POTEC: variants seen among roughly 807,000 people sequenced by gnomAD.
POTEC encodes ANKRD26-like family B member 2.
POTEC carries 35 observed loss-of-function variants against 62.0 expected under a neutral mutation model. The ratio of observed to expected loss-of-function variants is 0.56; its 90% confidence interval spans 0.43 to 0.75. The LOEUF (loss-of-function observed/expected upper bound fraction) is 0.75. Among genes scored for constraint, POTEC ranks in the 30% least tolerant of loss-of-function variants. The pLI is 0.00. For synonymous variants in POTEC, 156 were observed against 221.5 expected (o/e 0.70, Z 2.62); for missense variants, 472 against 655.9 (o/e 0.72, Z 3.06).
At chr18:14,518,868 T>G (rs1311046583) in intron 9 of POTEC, among the ~76,000 whole-genome samples, 2 of 151,098 alleles carry the variant, frequency 1.3e-5, no homozygotes, top group Non-Finnish European at 2.9e-5. Flanking sequence ...GGGAGATAAT[T>G]AGGAGGAACT....
At chr18:14,514,441 T>C (rs1198573274) in intron 9 of POTEC, among the ~76,000 whole-genome samples, 1 of 152,198 alleles carries the variant, frequency 6.6e-6, no homozygotes, top group East Asian at 1.9e-4. Flanking sequence ...GCCTGGGGAT[T>C]GGAAACCCCT....
Position 14,537,865 on chromosome 18 carries a change from T to C in POTEC, c.746A>G (p.Asn249Ser). ...TGCTTTGGCCATTAATTTATCTTCA[T>C]TGTGGACAGCATAGTGTAGAGTGGT... The part of the protein sequence containing the change: ...GNTTLHYAVH[N>S]EDKLMAKALL... Residue 249 changes from asparagine to serine, a missense_variant, in exon 3 of 11, where the codon AAT becomes AGT. This residue lies in a region of POTEC where 52 missense variants were observed against 54.2 expected (regional missense o/e 0.96). Transcript: ENST00000358970. 2 of 1,612,306 alleles carry C rather than the reference T, an allele frequency of 1.2e-6. No individual in the cohort carries two copies. The highest frequency in any genetic ancestry group is 1.7e-6 in the Non-Finnish European group (2 of 1,179,772).
rs765483094 is a variant in POTEC, at chr18:14,511,946, G to T, written c.1581C>A (p.Ser527Arg). The change falls in exon 11 of 11, where the codon AGC (serine) becomes AGA (arginine). Residue 527 changes from serine to arginine, a missense_variant. Ser to Arg is a moderately radical substitution (Grantham distance 110, BLOSUM62 -1). This residue lies in a region of POTEC where 67 missense variants were observed against 58.3 expected (regional missense o/e 1.15). Transcript: ENST00000358970. ...GCATGGCAATTTCTTCCTGCAACAT[G>T]CTGTTTTCACGCAAGAGATCTTCTT... ...KKEEDLLREN[S>R]MLQEEIAMLI... 2 of 1,613,792 alleles carry T rather than the reference G, an allele frequency of 1.2e-6. No homozygotes were observed. The highest frequency in any genetic ancestry group is 3.3e-5 in the Admixed American group (2 of 60,012).
At chr18:14,526,238 T>C (rs113252249) in intron 6 of POTEC, among the ~76,000 whole-genome samples, 1 of 152,082 alleles carries the variant, frequency 6.6e-6, no homozygotes, top group Non-Finnish European at 1.5e-5. Context: ...GAAGTCTTCC[T>C]TGATTCTGCA....
At chr18:14,515,128 C>T (rs982951298) in intron 9 of POTEC, among the ~76,000 whole-genome samples, 1 of 151,942 alleles carries the variant, frequency 6.6e-6, no homozygotes, top group African/African-American at 2.4e-5. Context: ...GCCATAGTGC[C>T]CAAAGTAGTC....
Position 14,508,864 on chromosome 18 carries a change from A to C in POTEC, c.*3034T>G, listed in dbSNP as rs1161011562. On this transcript the variant is annotated 3_prime_UTR_variant, in exon 11 of 11. Coordinates refer to ENST00000358970, the MANE Select transcript of POTEC (RefSeq NM_001137671.2). ...TTTTCTCATCTTTATGGGCTTATCCATCTTCAATCTTTGAGGTTGCTGACC... is the reference window on the plus strand; with the variant it reads ...TTTTCTCATCTTTATGGGCTTATCCCTCTTCAATCTTTGAGGTTGCTGACC... 1 of 152,220 alleles carries C rather than the reference A, an allele frequency of 6.6e-6. No homozygotes were observed. Among genetic ancestry groups the C allele is most frequent in the Non-Finnish European group, 1.5e-5 (1 of 68,048 alleles). The allele number at this position is 152,220 out of a possible 1,614,324, so 9.4% of individuals were successfully genotyped here. A position where few individuals can be genotyped will look rare whatever the true frequency, so the allele number is the denominator to read the frequency against.
intron 9 of POTEC, among the ~76,000 whole-genome samples, chr18:14,515,667 A>C (rs1428391103): frequency 7.3e-5 from 11 of 151,516 alleles, no homozygotes; most frequent in Admixed American, 1.3e-4. Flanking sequence ...TAAATAAATA[A>C]ATAAATAAAT....
intron 9 of POTEC, among the ~76,000 whole-genome samples, chr18:14,518,922 G>A (rs573765994): frequency 6.6e-6 from 1 of 152,136 alleles, no homozygotes; most frequent in Non-Finnish European, 1.5e-5. Flanking sequence ...CAGAAGGGCT[G>A]GGGCAGAGGA....
intron 7 of POTEC, among the ~76,000 whole-genome samples, chr18:14,523,820 G>C (rs1423718414): frequency 1.2e-4 from 18 of 152,174 alleles, no homozygotes; most frequent in Admixed American, 5.9e-4. Flanking sequence ...CCATTTGTTT[G>C]GACTAAACTT....
intron 7 of POTEC, among the ~76,000 whole-genome samples, 173 bp downstream of exon 7, chr18:14,524,740 A>G (rs1910392889): frequency 1.3e-5 from 2 of 151,966 alleles, no homozygotes; most frequent in Admixed American, 6.6e-5. Flanking sequence ...TGTTAATGAG[A>G]TTGCTGAATT....
intron 1 of POTEC, among the ~76,000 whole-genome samples, chr18:14,542,186 A>G (rs1905956412): frequency 6.6e-6 from 1 of 152,220 alleles, no homozygotes; most frequent in East Asian, 1.9e-4. Flanking sequence ...AAGGTTACTC[A>G]GTAAAGAACG....
chr18:14,542,132 C>A (rs1453032241), intron 1 of POTEC, among the ~76,000 whole-genome samples: 3 of 152,042 alleles, frequency 2.0e-5, no homozygotes, highest in Non-Finnish European at 4.4e-5. Context: ...ACGAACCTTC[C>A]TATTCAAAGA....
At chr18:14,536,085 T>C (rs1905703442) in intron 3 of POTEC, among the ~76,000 whole-genome samples, 2 of 150,884 alleles carry the variant, frequency 1.3e-5, no homozygotes, top group African/African-American at 4.9e-5. Flanking sequence ...CTGAGAAACA[T>C]GGCAAAAACC....
chr18:14,514,192 T>TA (rs1489613959), intron 9 of POTEC, among the ~76,000 whole-genome samples: 1 of 152,126 alleles, frequency 6.6e-6, no homozygotes, highest in Non-Finnish European at 1.5e-5. Flanking sequence ...CATAAAGCAT[T>TA]AGATTCTCAT....
chr18:14,528,459 A>G (rs1260447270), intron 6 of POTEC, among the ~76,000 whole-genome samples: 1 of 152,166 alleles, frequency 6.6e-6, no homozygotes. Flanking sequence ...GGTGTGACCC[A>G]GCCAATGGAA....
chr18:14,536,244 G>C (rs1905710284), intron 3 of POTEC, among the ~76,000 whole-genome samples: 1 of 137,258 alleles, frequency 7.3e-6, no homozygotes, highest in Non-Finnish European at 1.5e-5. Flanking sequence ...CAAAAATTTA[G>C]ATTAATGTTA....
chr18:14,535,288 A>T (rs1905675092), intron 3 of POTEC, among the ~76,000 whole-genome samples: 1 of 141,204 alleles, frequency 7.1e-6, no homozygotes, highest in Admixed American at 7.2e-5. Context: ...CTTTTGGATG[A>T]TTTTTTTTTT....
chr18:14,536,854 T>C (rs1371632287), intron 3 of POTEC, among the ~76,000 whole-genome samples: 1 of 152,074 alleles, frequency 6.6e-6, no homozygotes, highest in Admixed American at 6.6e-5. Context: ...ACCTGATCTT[T>C]TTACTTATAA....
chr18:14,513,548 C>T lies in POTEC; in HGVS notation c.1533+114G>A, dbSNP rs1234917872. 3.4e-6 allele frequency: 5 copies of T among 1,470,794 alleles called. No homozygotes were observed. In the Admixed American group the frequency reaches 1.1e-4, roughly 34 times the overall value. 91.1% of individuals were successfully genotyped at this position (1,470,794 alleles called of 1,614,324 possible). ...GTGTTTACATATATACACACACACA[C>T]ACACACACACGTGTGTATATATGTG... On this transcript the variant is annotated intron_variant, in intron 10 of 10. Transcript: ENST00000358970.
Sources: allele counts gnomAD v4.1 joint callset (sites outside exome capture counted in the v4.1 genomes callset), GRCh38; gene constraint gnomAD v4.1.1; regional missense constraint gnomAD v4.1.1; transcripts MANE v1.5; gene names NCBI Gene and HGNC (gene_info 2026-07-23, HGNC 2026-07-21).